The following NAE1 variants were observed in gnomAD, a reference collection of about 807,000 sequenced individuals.
NAE1 encodes the protein NEDD8 activating enzyme E1 subunit 1.
In NAE1, 59 loss-of-function variants were observed where a neutral mutation model predicts 88.0. The observed-to-expected ratio is 0.67, with a 90% CI of 0.54 to 0.83. NAE1 has a LOEUF of 0.83. NAE1 is among the 40% of genes least tolerant of loss of function. The pLI, the probability that NAE1 is intolerant of heterozygous loss-of-function variation, is 0.00. For missense variants in NAE1, 554 were observed against 632.8 expected (o/e 0.88, Z 1.34); for synonymous variants, 186 against 208.9 (o/e 0.89, Z 0.95).
At chr16:66,821,654 T>G in intron 6 of NAE1, 95 bp from the exon 7 acceptor site, 1 of 1,051,354 alleles carries the variant, frequency 9.5e-7, no homozygotes, top group Non-Finnish European at 1.3e-6. Flanking sequence ...TACAGCAACT[T>G]TCTTACTAAA....
chr16:66,817,232 T>C (rs967919176), intron 9 of NAE1, 193 bp downstream of exon 9: 5 of 891,752 alleles, frequency 5.6e-6, no homozygotes, highest in African/African-American at 3.4e-5. Context: ...ATGACATTTA[T>C]TGAATTTCAT....
chr16:66,818,006 G>A (rs944885686), intron 8 of NAE1, among the ~76,000 whole-genome samples: 19 of 151,864 alleles, frequency 1.3e-4, no homozygotes, highest in Non-Finnish European at 2.2e-4. Flanking sequence ...ATATTTATGG[G>A]GTACATGCTT....
chr16:66,821,577 G>C lies in NAE1; in HGVS notation c.402-18C>G, dbSNP rs1397275321. On this transcript the variant is annotated intron_variant, in intron 6 of 19. Transcript: ENST00000290810. ...GTGAAGTGCTGTTTAAAAAAAAAAA[G>C]CAAAATATGAACATAAGCAAATGGA... 2 of 1,426,452 alleles carry C rather than the reference G, an allele frequency of 1.4e-6. No homozygotes were observed. Among genetic ancestry groups the C allele is most frequent in the Non-Finnish European group, 1.9e-6 (2 of 1,058,632 alleles). The allele number at this position is 1,426,452 out of a possible 1,614,324, so 88.4% of individuals were successfully genotyped here. A position where few individuals can be genotyped will look rare whatever the true frequency, so the allele number is the denominator to read the frequency against.
At chr16:66,830,000 C>G (rs1040384410) in intron 1 of NAE1, among the ~76,000 whole-genome samples, 9 of 152,188 alleles carry the variant, frequency 5.9e-5, no homozygotes, top group Admixed American at 2.6e-4. Flanking sequence ...ATTCTCCAGC[C>G]TCAGCCTCCA....
At chr16:66,803,151 A>G (rs750579597) in intron 19 of NAE1, 33 bp from the exon 20 acceptor site, 1 of 1,409,108 alleles carries the variant, frequency 7.1e-7, no homozygotes, top group South Asian at 1.2e-5. Flanking sequence ...CAAATCTTTG[A>G]AAGAGTAAAC....
At chr16:66,810,645 G>C (rs1959757249) in intron 14 of NAE1, 52 bp downstream of exon 14, 1 of 1,510,194 alleles carries the variant, frequency 6.6e-7, no homozygotes, top group Non-Finnish European at 9.1e-7. Flanking sequence ...ACCCTTTCTG[G>C]CTGGAGTTAC....
At chr16:66,810,488 C>A in intron 14 of NAE1, 75 bp from the exon 15 acceptor site, 1 of 1,358,898 alleles carries the variant, frequency 7.4e-7, no homozygotes, top group South Asian at 1.2e-5. Flanking sequence ...CAAAGCCAAT[C>A]ACTGTGAGAT....
At chr16:66,803,601 T>G (rs555017479) in intron 19 of NAE1, among the ~76,000 whole-genome samples, 1 of 152,130 alleles carries the variant, frequency 6.6e-6, no homozygotes, top group East Asian at 1.9e-4. Flanking sequence ...GAATTTTTTT[T>G]TTTTTTTAGA....
intron 3 of NAE1, chr16:66,826,182 A>G (rs755760681): frequency 3.0e-5 from 8 of 270,362 alleles, no homozygotes; most frequent in Non-Finnish European, 5.0e-5. Context: ...GACTAAGCCT[A>G]AAAGACATCA....
intron 14 of NAE1, 103 bp from the exon 15 acceptor site, chr16:66,810,516 G>A (rs948716601): frequency 8.6e-7 from 1 of 1,156,472 alleles, no homozygotes; most frequent in African/African-American, 1.6e-5. Flanking sequence ...CTTTCTCCAA[G>A]AGCTGGGAGA....
intron 1 of NAE1, chr16:66,828,200 G>A (rs534866795): frequency 1.2e-5 from 9 of 746,328 alleles, no homozygotes; most frequent in Admixed American, 2.7e-5. Flanking sequence ...AAGAATACTG[G>A]TGCATCTTGG....
chr16:66,820,388 T>C (rs980881816), intron 7 of NAE1, among the ~76,000 whole-genome samples: 3 of 152,202 alleles, frequency 2.0e-5, no homozygotes, highest in Non-Finnish European at 4.4e-5. Context: ...TTGGGAACAG[T>C]AGTTATGTAA....
intron 11 of NAE1, among the ~76,000 whole-genome samples, chr16:66,816,039 C>G (rs1193268176): frequency 6.6e-6 from 1 of 152,174 alleles, no homozygotes; most frequent in Non-Finnish European, 1.5e-5. Context: ...ATCTTACGTG[C>G]CTTCCTAACT....
At chr16:66,806,150 C>A in intron 17 of NAE1, 124 bp from the exon 18 acceptor site, 1 of 1,179,736 alleles carries the variant, frequency 8.5e-7, no homozygotes, top group Non-Finnish European at 1.1e-6. Context: ...ACAAAAATAA[C>A]AAAGTATGAG....
At position 66,817,432 on chromosome 16, in the gene NAE1, T is replaced by C; in HGVS notation, c.677A>G (p.Tyr226Cys). 2 of 1,605,580 alleles carry C rather than the reference T, an allele frequency of 1.2e-6. No homozygotes were observed. The highest frequency in any genetic ancestry group is 1.7e-6 in the Non-Finnish European group (2 of 1,174,238). ...VIIAKYLAQW[Y>C]SETNGRIPKT... ...TTTTAAAAAAGGACATACTTCACTA[T>C]ACCACTGTGCTAAATATTTAGCTAT... The change falls in exon 9 of 20, where the codon TAT becomes TGT. Residue 226 changes from tyrosine (Y) to cysteine (C), a missense_variant. Physicochemically the swap from Tyr to Cys is radical, Grantham distance 194. Coordinates refer to ENST00000290810, the MANE Select transcript of NAE1 (RefSeq NM_003905.4).
In NAE1 at chr16:66,813,701, A is replaced by G; in HGVS notation, c.901-4T>C. 1 of 1,611,634 alleles carries G rather than the reference A, an allele frequency of 6.2e-7. No homozygotes were observed. Among genetic ancestry groups the G allele is most frequent in the Non-Finnish European group, 8.5e-7 (1 of 1,178,898 alleles). On this transcript the variant is annotated splice_region_variant and splice_polypyrimidine_tract_variant and intron_variant, in intron 12 of 19. Transcript: ENST00000290810. ...CTAAAATCCAAAATGATGGAGTCTA[A>G]AAGAATAAGAAAAAATTAACATTAA...
intron 1 of NAE1, among the ~76,000 whole-genome samples, chr16:66,828,809 C>T (rs1316541141): frequency 6.6e-6 from 1 of 151,418 alleles, no homozygotes. Context: ...CTGGGCAAAC[C>T]CCCATCTCTA....
intron 19 of NAE1, among the ~76,000 whole-genome samples, chr16:66,805,297 T>TA (rs1252306633): frequency 6.6e-6 from 1 of 152,020 alleles, no homozygotes; most frequent in Non-Finnish European, 1.5e-5. Context: ...GTGTTATGTA[T>TA]ATTGGTGGGG....
At chr16:66,814,831 G>A (rs1325812310) in intron 11 of NAE1, among the ~76,000 whole-genome samples, 2 of 152,058 alleles carry the variant, frequency 1.3e-5, no homozygotes, top group Non-Finnish European at 2.9e-5. Flanking sequence ...TTTATGATCT[G>A]GCCCTTTCTG....
Sources: gnomAD v4.1 joint callset for allele counts (sites outside exome capture counted in the v4.1 genomes callset) on GRCh38, gnomAD v4.1.1 for gene constraint, MANE v1.5 for transcripts, NCBI Gene and HGNC (gene_info 2026-07-23, HGNC 2026-07-21) for gene names.